ABCA3: variants seen among roughly 807,000 people sequenced by gnomAD.
The protein encoded by ABCA3 is ATP binding cassette subfamily A member 3, also known as phospholipid-transporting ATPase ABCA3.
A neutral mutation model predicts 172.8 loss-of-function variants in ABCA3; 88 were observed. The observed-to-expected ratio is 0.51, with a 90% CI of 0.43 to 0.61. ABCA3 has a LOEUF of 0.61. Ranked by LOEUF, ABCA3 falls within the 20% of genes least tolerant of loss-of-function variation. The probability of loss-of-function intolerance (pLI) is 0.00; values close to 1 mark genes in which losing one functional copy is unlikely to be tolerated. For synonymous variants in ABCA3, 1,066 were observed against 983.8 expected, an observed-to-expected ratio of 1.08 and a Z score of -1.56; for missense variants, 2,164 against 2,301.0, an observed-to-expected ratio of 0.94 and a Z score of 1.22.
chr16:2,297,263 A>T lies in ABCA3; in HGVS notation c.2263+66T>A, dbSNP rs879634586. The stretch of plus-strand genomic sequence containing the variant: ...TGATCTGAGGGCCCTTCATGAAGGT[A>T]GCAGCCATTCCCTCAGCACGGCAGC... On this transcript the variant is annotated intron_variant, in intron 17 of 32. Coordinates refer to ENST00000301732, the MANE Select transcript of ABCA3 (RefSeq NM_001089.3). The surrounding 1 kb of genome is among the most constrained non-coding windows in gnomAD (Gnocchi z 5.6). 6.4e-6 allele frequency: 10 copies of T among 1,552,046 alleles called. No homozygotes were observed. Among genetic ancestry groups the T allele is most frequent in the African/African-American group, 1.4e-5 (1 of 73,840 alleles).
At chr16:2,314,280 C>T (rs1406840348) in intron 10 of ABCA3, among the ~76,000 whole-genome samples, 3 of 152,162 alleles carry the variant, frequency 2.0e-5, no homozygotes, top group African/African-American at 7.2e-5. Flanking sequence ...TATGGAATAT[C>T]ATCTAGCCTT....
chr16:2,337,935 G>A (rs956177574), intron 1 of ABCA3, among the ~76,000 whole-genome samples: 4 of 152,232 alleles, frequency 2.6e-5, no homozygotes, highest in Non-Finnish European at 5.9e-5. Context: ...GGTTCATAGG[G>A]TGTATTTTTA....
intron 1 of ABCA3, among the ~76,000 whole-genome samples, chr16:2,336,076 G>A (rs1388965062): frequency 2.0e-5 from 3 of 152,174 alleles, no homozygotes; most frequent in Non-Finnish European, 4.4e-5. Flanking sequence ...AAAAGTGACA[G>A]TATATGAGAG....
Position 2,300,041 on chromosome 16 carries a change from G to A in ABCA3, c.1575C>T (p.Asp525=). 2.5e-6 allele frequency: 4 copies of A among 1,613,466 alleles called. No homozygotes were observed. Among genetic ancestry groups the A allele is most frequent in the Non-Finnish European group, 3.4e-6 (4 of 1,179,938 alleles). The part of the protein sequence containing the change: ...RNEYFEAEPE[D]LVAGIKIKHL... ...GCTTGATCTTGATCCCCGCCACCAGGTCCTCTGGCTCGGCTTCAAAGTACT... is the reference window on the plus strand; with the variant it reads ...GCTTGATCTTGATCCCCGCCACCAGATCCTCTGGCTCGGCTTCAAAGTACT... The change falls in exon 13 of 33, where the codon GAC becomes GAT. Residue 525 remains aspartate, a synonymous_variant. Transcript: ENST00000301732.
At chr16:2,331,834 G>A (rs1018708996) in intron 1 of ABCA3, among the ~76,000 whole-genome samples, 1 of 152,156 alleles carries the variant, frequency 6.6e-6, no homozygotes, top group Non-Finnish European at 1.5e-5. Flanking sequence ...TAAAGCTGCC[G>A]CCTCTGCCCA....
rs1316513806 is a variant in ABCA3 at position 2,326,515 on chromosome 16, G to C, written c.-26-23C>G. On this transcript the variant is annotated intron_variant, in intron 3 of 32. Coordinates refer to ENST00000301732, the MANE Select transcript of ABCA3 (RefSeq NM_001089.3). ...GTGCTAGTTACAGACCAAAGACAGA[G>C]AGTGTGGGTGCGCAATAGAAACACG... The C allele has an allele frequency of 4.4e-6, 7 of 1,582,922 alleles. No individual in the cohort carries two copies. In the Admixed American group the frequency reaches 5.4e-5, roughly 12 times the overall value.
intron 10 of ABCA3, among the ~76,000 whole-genome samples, chr16:2,310,648 C>T (rs1458011629): frequency 6.6e-6 from 1 of 151,416 alleles, no homozygotes; most frequent in African/African-American, 2.4e-5. Context: ...TCCTGAGTAG[C>T]TCGGACTACA....
At chr16:2,310,759 A>T (rs2093705466) in intron 10 of ABCA3, among the ~76,000 whole-genome samples, 2 of 151,930 alleles carry the variant, frequency 1.3e-5, no homozygotes, top group Admixed American at 1.3e-4. Flanking sequence ...GGGCACAAGC[A>T]ATCTGCCCAC....
At chr16:2,318,299 T>C (rs2093719898) in intron 8 of ABCA3, among the ~76,000 whole-genome samples, 1 of 152,122 alleles carries the variant, frequency 6.6e-6, no homozygotes, top group South Asian at 2.1e-4. Flanking sequence ...GGGTCGGCTC[T>C]GACCACACCT....
intron 1 of ABCA3, among the ~76,000 whole-genome samples, chr16:2,330,319 A>ATTT (rs796294302): frequency 3.4e-5 from 4 of 117,220 alleles, no homozygotes; most frequent in Non-Finnish European, 3.6e-5. Flanking sequence ...TATAAGCTCT[A>ATTT]TTTTTTTTTT....
chr16:2,309,108 G>C (rs979389143), intron 10 of ABCA3, among the ~76,000 whole-genome samples: 1 of 152,116 alleles, frequency 6.6e-6, no homozygotes, highest in Non-Finnish European at 1.5e-5. Flanking sequence ...ACCACGCCCG[G>C]CTAATTTTTT....
rs558604139 is a variant in ABCA3 at position 2,311,904 on chromosome 16, G to A, written c.1112-3281C>T. Among the ~76,000 whole-genome samples the A allele has an allele frequency of 3.3e-5, 5 of 152,138 alleles. No homozygotes were observed. In the South Asian group the frequency reaches 6.2e-4, roughly 19 times the overall value. On this transcript the variant is annotated intron_variant, in intron 10 of 32. Coordinates refer to ENST00000301732, the MANE Select transcript of ABCA3 (RefSeq NM_001089.3). ...ACTCCTGAGTTCAGGCAATCCGCCC[G>A]CCTCAGTCTCCCAAAATGCTGGGAT...
chr16:2,287,829 C>T lies in ABCA3; in HGVS notation c.3004+197G>A, dbSNP rs774918517. 2.8e-4 allele frequency among the ~76,000 whole-genome samples: 42 copies of T among 152,222 alleles called. No homozygotes were observed. The highest frequency in any genetic ancestry group is 9.8e-4 in the Admixed American group (15 of 15,282). ...CGTGATCTGCCACCCAGGGGACATCCGCAATGTTTCCAGGCATGTTTGATG... is the reference window on the plus strand; with the variant it reads ...CGTGATCTGCCACCCAGGGGACATCTGCAATGTTTCCAGGCATGTTTGATG... On this transcript the variant is annotated intron_variant, in intron 21 of 32. Transcript: ENST00000301732. The surrounding 1 kb of genome is among the most constrained non-coding windows in gnomAD (Gnocchi z 4.1).
At position 2,281,085 on chromosome 16, in the gene ABCA3, C is replaced by G; in HGVS notation, c.4301G>C (p.Ser1434Thr). 1.9e-6 allele frequency: 3 copies of G among 1,614,000 alleles called. No individual in the cohort carries two copies. The highest frequency in any genetic ancestry group is 2.2e-5 in the South Asian group (2 of 91,076). ...GACAAAGGCATCCCCAGAAGTGAGG[C>G]TCTCCTCCCCGGTCAGCATTTTGAA... ...TTFKMLTGEE[S>T]LTSGDAFVGG... Residue 1434 changes from serine (S) to threonine (T), a missense_variant, in exon 28 of 33, where the codon AGC (serine) becomes ACC (threonine). Coordinates refer to ENST00000301732, the MANE Select transcript of ABCA3 (RefSeq NM_001089.3). This position sits in a 1 kb window ranked among gnomAD's most constrained non-coding sequence, Gnocchi z 4.7.
At chr16:2,298,014 C>T (rs1182849292) in intron 15 of ABCA3, 93 bp from the exon 16 acceptor site, 68 of 1,181,668 alleles carry the variant, frequency 5.8e-5, no homozygotes, top group Middle Eastern at 2.6e-4. Context: ...CTCTCCTTGA[C>T]GTAGCTGGGG....
At position 2,288,208 on chromosome 16, in the gene ABCA3, A is replaced by G. The variant is rs964963069; in HGVS notation, c.2822T>C (p.Leu941Pro). The G allele has an allele frequency of 1.9e-6, 3 of 1,601,176 alleles. No homozygotes were observed. The highest frequency in any genetic ancestry group is 2.6e-6 in the Non-Finnish European group (3 of 1,173,866). The change falls in exon 21 of 33, where the codon CTC (leucine) becomes CCC (proline). Residue 941 changes from leucine to proline, a missense_variant. Leu to Pro is a moderately conservative substitution (Grantham distance 98). Transcript: ENST00000301732. ...CTCCGAGGAGTAGTTGATGGCCAGGAGGGCCAGGGTGACGCAGGTCAGAGG... is the reference window on the plus strand; with the variant it reads ...CTCCGAGGAGTAGTTGATGGCCAGGGGGGCCAGGGTGACGCAGGTCAGAGG... ...LVPLTCVTLA[L>P]LAINYSSELF...
Position 2,281,861 on chromosome 16 carries a change from G to A in ABCA3, c.4036-352C>T, listed in dbSNP as rs947015201. On this transcript the variant is annotated intron_variant, in intron 26 of 32. Coordinates refer to ENST00000301732, the MANE Select transcript of ABCA3 (RefSeq NM_001089.3). This position sits in a 1 kb window ranked among gnomAD's most constrained non-coding sequence, Gnocchi z 4.7. ...ACTCTGTTGTCCAGGCTGGAGTGCA[G>A]TGGCGCAATCTCAGCTCACTGCAAA... is the stretch of plus-strand genomic sequence containing the variant. 6.6e-6 allele frequency among the ~76,000 whole-genome samples: 1 copy of A among 150,924 alleles called. No homozygotes were observed. Among genetic ancestry groups the A allele is most frequent in the Non-Finnish European group, 1.5e-5 (1 of 67,894 alleles).
intron 18 of ABCA3, among the ~76,000 whole-genome samples, chr16:2,293,869 A>G (rs1658336884): frequency 6.6e-6 from 1 of 151,442 alleles, no homozygotes; most frequent in Non-Finnish European, 1.5e-5. Context: ...TTTTGTAGAG[A>G]TGGGGTCTCA....
intron 1 of ABCA3, among the ~76,000 whole-genome samples, chr16:2,333,524 G>A (rs980546645): frequency 2.6e-5 from 4 of 152,176 alleles, no homozygotes; most frequent in African/African-American, 7.2e-5. Flanking sequence ...GCGTGTATGC[G>A]CACTGAGGCA....
Sources: gnomAD v4.1 joint callset for allele counts (sites outside exome capture counted in the v4.1 genomes callset) on GRCh38, gnomAD v4.1.1 for gene constraint, Gnocchi (gnomAD v3.1) non-coding constraint, MANE v1.5 for transcripts, NCBI Gene and HGNC (gene_info 2026-07-23, HGNC 2026-07-21) for gene names.